Variants in ATRNL1 observed in about 807,000 individuals in gnomAD.
The protein encoded by ATRNL1 is attractin-like protein 1.
ATRNL1 carries 95 observed loss-of-function variants against 182.7 expected under a neutral mutation model. The observed-to-expected ratio is 0.52, with a 90% CI of 0.44 to 0.62. ATRNL1 has a LOEUF of 0.62. Among genes scored for constraint, ATRNL1 ranks in the 20% least tolerant of loss-of-function variants. ATRNL1 has a pLI of 0.00. For synonymous variants in ATRNL1, 576 were observed against 568.3 expected (o/e 1.01, Z -0.19); for missense variants, 1,471 against 1,679.5 (o/e 0.88, Z 2.17).
Position 115,215,800 on chromosome 10 carries a change from TG to T in ATRNL1, c.1454del (p.Gly485GlufsTer30). The T allele has an allele frequency of 1.2e-6, 2 of 1,609,316 alleles. No homozygotes were observed. The highest frequency in any genetic ancestry group is 1.7e-6 in the Non-Finnish European group (2 of 1,178,188). ...AAATAACAAAGTCCATTTATGTTCA[TG>T]GAGGGTATAAAGCATTGCCAGGGAA... Reference protein sequence around the residue: ...DEITKSIYVHGGYKALPGNKY... With the variant: ...DEITKSIYVHXGYKALPGNKY... On this transcript the variant is annotated frameshift_variant, in exon 9 of 29. Coordinates refer to ENST00000355044, the MANE Select transcript of ATRNL1 (RefSeq NM_207303.4). LOFTEE classifies it high-confidence loss of function.
chr10:115,842,007 G>A (rs569018042), intron 27 of ATRNL1, among the ~76,000 whole-genome samples: 1,062 of 24,176 alleles, frequency 0.044, 10 homozygotes, highest in African/African-American at 0.061. Context: ...CATGCAAGCT[G>A]TTGAAAAAGA....
At chr10:115,097,759 A>G (rs1230281577) in intron 1 of ATRNL1, among the ~76,000 whole-genome samples, 1 of 152,104 alleles carries the variant, frequency 6.6e-6, no homozygotes, top group Admixed American at 6.5e-5. Context: ...CCCCGTCTCT[A>G]CTAAAAATAC....
Position 115,426,306 on chromosome 10 carries a change from A to T in ATRNL1, c.3322+4A>T, listed in dbSNP as rs782533035. ...CCACTTAGAGGAACATGTTATTGTA[A>T]GTATATGTGTATTCTTCATTTTAAA... On this transcript the variant is annotated splice_donor_region_variant and intron_variant, in intron 21 of 28. Transcript: ENST00000355044. The T allele has an allele frequency of 6.2e-7, 1 of 1,600,510 alleles. No homozygotes were observed. Among genetic ancestry groups the T allele is most frequent in the Non-Finnish European group, 8.6e-7 (1 of 1,169,326 alleles).
intron 24 of ATRNL1, among the ~76,000 whole-genome samples, chr10:115,472,352 T>A (rs187280441): frequency 1.6e-3 from 240 of 151,306 alleles, no homozygotes; most frequent in African/African-American, 5.4e-3. Context: ...CTTTTGAATT[T>A]AAAAATTTTT....
chr10:115,387,943 ATT>A (rs1843752868), intron 19 of ATRNL1, among the ~76,000 whole-genome samples: 1 of 152,056 alleles, frequency 6.6e-6, no homozygotes, highest in South Asian at 2.1e-4. Flanking sequence ...TTTGAAGGAA[ATT>A]TGTGTTTATT....
At chr10:115,434,593 A>G (rs1846313604) in intron 21 of ATRNL1, among the ~76,000 whole-genome samples, 1 of 152,200 alleles carries the variant, frequency 6.6e-6, no homozygotes, top group Admixed American at 6.5e-5. Context: ...TAAATAATTA[A>G]AAAATCATAT....
chr10:115,285,856 A>C (rs562064359), intron 14 of ATRNL1, among the ~76,000 whole-genome samples: 1 of 152,008 alleles, frequency 6.6e-6, no homozygotes, highest in African/African-American at 2.4e-5. Flanking sequence ...TTGTTTTTCT[A>C]TTAAAGTAAT....
intron 26 of ATRNL1, among the ~76,000 whole-genome samples, chr10:115,676,832 T>C (rs1945878898): frequency 6.6e-6 from 1 of 152,030 alleles, no homozygotes; most frequent in East Asian, 1.9e-4. Flanking sequence ...CAGCATGTGC[T>C]GAATGGAGAC....
At chr10:115,926,616 A>G (rs1419138090) in intron 28 of ATRNL1, among the ~76,000 whole-genome samples, 4 of 152,196 alleles carry the variant, frequency 2.6e-5, no homozygotes, top group African/African-American at 9.6e-5. Context: ...CTACCATCAG[A>G]GAATACTATA....
At chr10:115,587,634 A>T (rs929517165) in intron 26 of ATRNL1, among the ~76,000 whole-genome samples, 2 of 151,774 alleles carry the variant, frequency 1.3e-5, no homozygotes, top group African/African-American at 4.8e-5. Context: ...TGGTGCGTGC[A>T]CCCACTGACC....
At chr10:115,362,647 T>C (rs1856805066) in intron 19 of ATRNL1, among the ~76,000 whole-genome samples, 1 of 152,056 alleles carries the variant, frequency 6.6e-6, no homozygotes, top group Non-Finnish European at 1.5e-5. Flanking sequence ...ATTAGGTATA[T>C]CTCCCAATGC....
At chr10:115,370,587 C>T (rs1388189340) in intron 19 of ATRNL1, among the ~76,000 whole-genome samples, 1 of 152,120 alleles carries the variant, frequency 6.6e-6, no homozygotes, top group Non-Finnish European at 1.5e-5. Context: ...GAACTTTGAA[C>T]TTGAGAGAGA....
At chr10:115,512,327 T>C (rs1221593766) in intron 24 of ATRNL1, among the ~76,000 whole-genome samples, 3 of 151,896 alleles carry the variant, frequency 2.0e-5, no homozygotes, top group Admixed American at 6.6e-5. Flanking sequence ...TTTAAGATGG[T>C]ATCATTTTTA....
chr10:115,429,927 C>G (rs1324786781), intron 21 of ATRNL1, among the ~76,000 whole-genome samples: 2 of 151,976 alleles, frequency 1.3e-5, no homozygotes, highest in Non-Finnish European at 2.9e-5. Flanking sequence ...CAAAATTAGC[C>G]GGGCGTGGTG....
chr10:115,622,361 A>G (rs779907242), intron 26 of ATRNL1, among the ~76,000 whole-genome samples: 31 of 152,194 alleles, frequency 2.0e-4, no homozygotes, highest in South Asian at 6.2e-4. Flanking sequence ...AGTGTTAATC[A>G]AGTGTTCTTA....
chr10:115,858,130 T>C (rs1255043680), intron 28 of ATRNL1, among the ~76,000 whole-genome samples: 2 of 152,208 alleles, frequency 1.3e-5, no homozygotes, highest in African/African-American at 4.8e-5. Flanking sequence ...AAAGACAGTA[T>C]GGTAATTCCT....
chr10:115,146,802 C>CTTTT (rs35914807), intron 5 of ATRNL1, among the ~76,000 whole-genome samples: 1 of 145,704 alleles, frequency 6.9e-6, no homozygotes. Context: ...TGATTTCATT[C>CTTTT]TTTTTTTTTT....
chr10:115,923,438 G>T (rs1217983387), intron 28 of ATRNL1, among the ~76,000 whole-genome samples: 1 of 152,072 alleles, frequency 6.6e-6, no homozygotes, highest in Non-Finnish European at 1.5e-5. Context: ...GCCCTGGTGT[G>T]TGTTGTTCCC....
intron 27 of ATRNL1, among the ~76,000 whole-genome samples, chr10:115,807,977 G>A (rs6585366): frequency 0.78 from 118,374 of 152,062 alleles, 46,235 homozygotes; most frequent in African/African-American, 0.84. Flanking sequence ...TAGTTTTCAG[G>A]GGTTTGTTCT....
Sources: gnomAD v4.1 joint callset for allele counts (sites outside exome capture counted in the v4.1 genomes callset) on GRCh38, gnomAD v4.1.1 for gene constraint, MANE v1.5 for transcripts, NCBI Gene and HGNC (gene_info 2026-07-23, HGNC 2026-07-21) for gene names.